DYM: variants seen among roughly 807,000 people sequenced by gnomAD.
DYM encodes the protein dyggve-Melchior-Clausen syndrome protein.
In DYM, 78 loss-of-function variants were observed where a neutral mutation model predicts 93.1. That is an observed-to-expected ratio of 0.84 (90% confidence interval 0.70 to 1.01). DYM has a LOEUF of 1.01. DYM is among the 50% of genes least tolerant of loss of function. DYM has a pLI of 0.00. For synonymous variants in DYM, 321 were observed against 319.7 expected, an observed-to-expected ratio of 1.00 and a Z score of -0.04; for missense variants, 789 against 845.0, an observed-to-expected ratio of 0.93 and a Z score of 0.82.
chr18:49,295,654 T>C (rs569268477), intron 8 of DYM, among the ~76,000 whole-genome samples: 14 of 152,264 alleles, frequency 9.2e-5, no homozygotes, highest in African/African-American at 3.4e-4. Flanking sequence ...ATATAAGCCT[T>C]CTCTCTTGTT....
chr18:49,219,915 G>GGCA (rs2093274324), intron 13 of DYM, among the ~76,000 whole-genome samples: 1 of 68,682 alleles, frequency 1.5e-5, no homozygotes, highest in Non-Finnish European at 4.7e-5. Context: ...AGGGCAATTA[G>GGCA]GCAGAAGGAA....
At chr18:49,272,330 A>C in intron 10 of DYM, 27 bp from the exon 11 acceptor site, 5 of 1,336,350 alleles carry the variant, frequency 3.7e-6, no homozygotes, top group Non-Finnish European at 5.4e-6. Flanking sequence ...ATAATTGACT[A>C]TTTCAATACT....
In DYM at chr18:49,292,617, A is replaced by C. The variant is rs1599187634; in HGVS notation, c.764-6001T>G. 2.1e-5 allele frequency among the ~76,000 whole-genome samples: 3 copies of C among 140,474 alleles called. 1 individual carries two copies. Among genetic ancestry groups the C allele is most frequent in the African/African-American group, 5.3e-5 (2 of 37,926 alleles). 92.2% of individuals were successfully genotyped at this position (140,474 alleles called of 152,430 possible). A position where few individuals can be genotyped will look rare whatever the true frequency, so the allele number is the denominator to read the frequency against. On this transcript the variant is annotated intron_variant, in intron 8 of 17. Transcript: ENST00000675505. ...GAAAAAAAAAAAAAAAAAAAAAAAAAAAAAAAAACCCCCACAAAAACCTGT... is the reference window on the plus strand; with the variant it reads ...GAAAAAAAAAAAAAAAAAAAAAAAACAAAAAAAACCCCCACAAAAACCTGT...
At chr18:49,435,347 TTATTG>T (rs1474675974) in intron 1 of DYM, among the ~76,000 whole-genome samples, 1 of 151,650 alleles carries the variant, frequency 6.6e-6, no homozygotes, top group Admixed American at 6.6e-5. Context: ...GGTGATGTTG[TTATTG>T]TATTATTTAA....
chr18:49,097,172 C>T (rs2079618855), intron 17 of DYM: 8 of 577,804 alleles, frequency 1.4e-5, no homozygotes, highest in Admixed American at 9.0e-5. Flanking sequence ...CTTTTATTAA[C>T]AGTATATGAA....
intron 11 of DYM, among the ~76,000 whole-genome samples, chr18:49,258,849 G>T (rs1224798889): frequency 1.5e-5 from 1 of 67,668 alleles, no homozygotes; most frequent in Non-Finnish European, 2.6e-5. Flanking sequence ...CAGAGAGAGA[G>T]AGAGAGAGAG....
intron 17 of DYM, among the ~76,000 whole-genome samples, chr18:49,059,457 G>T (rs2075770898): frequency 6.6e-6 from 1 of 152,116 alleles, no homozygotes; most frequent in African/African-American, 2.4e-5. Context: ...AATCACTAGT[G>T]CTTTAACAAA....
At chr18:49,169,416 T>C (rs1197687239) in intron 14 of DYM, among the ~76,000 whole-genome samples, 1 of 152,012 alleles carries the variant, frequency 6.6e-6, no homozygotes, top group Non-Finnish European at 1.5e-5. Flanking sequence ...GTGCATCAAG[T>C]GTTGAGTACA....
At chr18:49,283,424 A>AC (rs1477311849) in intron 9 of DYM, among the ~76,000 whole-genome samples, 1 of 151,848 alleles carries the variant, frequency 6.6e-6, no homozygotes, top group African/African-American at 2.4e-5. Flanking sequence ...CTGTTAAGAA[A>AC]CTTTTTTTTT....
intron 10 of DYM, among the ~76,000 whole-genome samples, chr18:49,277,005 G>C (rs2094860086): frequency 6.6e-6 from 1 of 152,168 alleles, no homozygotes; most frequent in African/African-American, 2.4e-5. Context: ...TGGATATGGG[G>C]GAATGAGACA....
chr18:49,212,402 A>G (rs886828470), intron 13 of DYM, among the ~76,000 whole-genome samples: 1 of 152,242 alleles, frequency 6.6e-6, no homozygotes, highest in African/African-American at 2.4e-5. Context: ...TTTCAAAAAA[A>G]AGAGACAAAC....
chr18:49,304,976 A>C (rs1397696937), intron 8 of DYM, among the ~76,000 whole-genome samples: 2 of 152,026 alleles, frequency 1.3e-5, no homozygotes, highest in African/African-American at 4.8e-5. Context: ...TGCCACTACA[A>C]TTCTGAATTC....
intron 11 of DYM, among the ~76,000 whole-genome samples, chr18:49,261,118 G>C (rs1002495712): frequency 1.3e-5 from 2 of 152,082 alleles, no homozygotes; most frequent in African/African-American, 4.8e-5. Context: ...AATGAGAAGG[G>C]AGTACAGAAA....
chr18:49,080,861 C>A (rs1255240555), intron 17 of DYM, among the ~76,000 whole-genome samples: 1 of 150,386 alleles, frequency 6.6e-6, no homozygotes, highest in Non-Finnish European at 1.5e-5. Context: ...ACCTCCCAGA[C>A]GGGGTGGCGG....
chr18:49,370,697 G>A (rs886541989), intron 5 of DYM, among the ~76,000 whole-genome samples: 3 of 152,222 alleles, frequency 2.0e-5, no homozygotes, highest in African/African-American at 7.2e-5. Context: ...AACCCAGGAG[G>A]TGGAGGTTGC....
chr18:49,303,984 G>A (rs370073221), intron 8 of DYM, among the ~76,000 whole-genome samples: 1 of 152,208 alleles, frequency 6.6e-6, no homozygotes, highest in East Asian at 1.9e-4. Flanking sequence ...TGCACACACA[G>A]ACACACCACA....
intron 6 of DYM, among the ~76,000 whole-genome samples, chr18:49,354,202 CT>C (rs1225438875): frequency 6.6e-6 from 1 of 152,010 alleles, no homozygotes; most frequent in Non-Finnish European, 1.5e-5. Flanking sequence ...GCTGAAACAA[CT>C]GGATATCCAC....
chr18:49,452,650 G>GACACGCACCAATCA (rs1600386582), intron 1 of DYM, among the ~76,000 whole-genome samples: 4 of 139,934 alleles, frequency 2.9e-5, no homozygotes, highest in Admixed American at 7.0e-5. Flanking sequence ...TCACTGCCGT[G>GACACGCACCAATCA]GGCTCCTGCG....
chr18:49,278,100 T>C (rs965878588), intron 10 of DYM, among the ~76,000 whole-genome samples: 1 of 152,194 alleles, frequency 6.6e-6, no homozygotes, highest in African/African-American at 2.4e-5. Flanking sequence ...AAAATTTTCC[T>C]TTTTGATGTT....
Sources: gnomAD v4.1 joint callset for allele counts (sites outside exome capture counted in the v4.1 genomes callset) on GRCh38, gnomAD v4.1.1 for gene constraint, MANE v1.5 for transcripts, NCBI Gene and HGNC (gene_info 2026-07-23, HGNC 2026-07-21) for gene names.